AQR: variants seen among roughly 807,000 people sequenced by gnomAD.
AQR encodes the protein RNA helicase aquarius.
A neutral mutation model predicts 180.5 loss-of-function variants in AQR; 61 were observed. The observed-to-expected ratio is 0.34, with a 90% CI of 0.28 to 0.42. AQR has a LOEUF of 0.42. Among genes scored for constraint, AQR ranks in the 10% least tolerant of loss-of-function variants. The probability of loss-of-function intolerance (pLI) is 1.00; values close to 1 mark genes in which losing one functional copy is unlikely to be tolerated. For missense variants in AQR, 1,281 were observed against 1,798.3 expected (o/e 0.71, Z 5.20); for synonymous variants, 551 against 588.8 (o/e 0.94, Z 0.93).
In AQR at chr15:34,969,660, G is replaced by T; in HGVS notation, c.-47C>A. ...CCAGTGGAAACTAAAGGACCGCTCT[G>T]GGCAGCGGCAACCCTGGTCCACTTC... On this transcript the variant is annotated 5_prime_UTR_variant, in exon 1 of 35. Coordinates refer to ENST00000156471, the MANE Select transcript of AQR (RefSeq NM_014691.3). The T allele has an allele frequency of 1.3e-6, 2 of 1,590,462 alleles. No individual in the cohort carries two copies. Among genetic ancestry groups the T allele is most frequent in the Non-Finnish European group, 8.6e-7 (1 of 1,169,576 alleles).
Position 34,860,052 on chromosome 15 carries a change from T to C in AQR, c.4133A>G (p.His1378Arg), listed in dbSNP as rs1318374977. 7.2e-7 allele frequency: 1 copy of C among 1,380,862 alleles called. No individual in the cohort carries two copies. The highest frequency in any genetic ancestry group is 1.9e-5 in the South Asian group (1 of 52,548). The allele number at this position is 1,380,862 out of a possible 1,614,324, so 85.5% of individuals were successfully genotyped here. The change falls in exon 34 of 35, where the codon CAT (histidine) becomes CGT (arginine). Residue 1378 changes from histidine to arginine, a missense_variant. His to Arg is a conservative substitution (Grantham distance 29, BLOSUM62 0). This residue lies in a region of AQR where 182 missense variants were observed against 185.3 expected (regional missense o/e 0.98). Transcript: ENST00000156471. ...MYMHLIQTTH[H>R]YHQTLLQLPP... The stretch of plus-strand genomic sequence containing the variant: ...TTTTGAGAAACTCACCTGATGATAA[T>C]GATGTGTAGTCTGTATCAAATGCAT...
At chr15:34,908,009 A>C (rs1386830915) in intron 17 of AQR, among the ~76,000 whole-genome samples, 1 of 152,166 alleles carries the variant, frequency 6.6e-6, no homozygotes, top group Non-Finnish European at 1.5e-5. Flanking sequence ...TCTGGAGCAA[A>C]TCTGGCATTT....
chr15:34,859,568 A>C (rs1892639572), intron 34 of AQR, among the ~76,000 whole-genome samples: 1 of 152,222 alleles, frequency 6.6e-6, no homozygotes, highest in Admixed American at 6.5e-5. Flanking sequence ...TAAAGTACAA[A>C]GACTTGTATA....
chr15:34,918,490 G>C, intron 14 of AQR, 112 bp from the exon 15 acceptor site: 2 of 1,274,616 alleles, frequency 1.6e-6, no homozygotes, highest in South Asian at 1.5e-5. Flanking sequence ...TTCAACAAGC[G>C]ATTTTTTTTT....
rs75405831 is a variant in AQR at position 34,874,979 on chromosome 15, A to T, written c.3238-115T>A. The T allele has an allele frequency of 8.4e-3, 8,097 of 963,608 alleles. 303 individuals carry two copies. In the African/African-American group the frequency reaches 0.097, roughly 11 times the overall value. 59.7% of individuals were successfully genotyped at this position (963,608 alleles called of 1,614,324 possible). On this transcript the variant is annotated intron_variant, in intron 28 of 34. Coordinates refer to ENST00000156471, the MANE Select transcript of AQR (RefSeq NM_014691.3). ...GCTTCCTTATCTTACAAATTACCAA[A>T]CTTTACCAGCTCCACAAACAGGAGT...
chr15:34,869,103 C>T (rs1188217559), intron 31 of AQR: 2 of 152,128 alleles, frequency 1.3e-5, no homozygotes, highest in East Asian at 3.9e-4. Flanking sequence ...ACACATTCCC[C>T]AGCAATGTGT....
At chr15:34,923,658 A>G (rs1216819364) in intron 13 of AQR, among the ~76,000 whole-genome samples, 2 of 152,166 alleles carry the variant, frequency 1.3e-5, no homozygotes, top group African/African-American at 4.8e-5. Context: ...TAGATATCTA[A>G]TTGTTTCAGC....
chr15:34,926,578 A>G (rs1202718793), intron 13 of AQR, among the ~76,000 whole-genome samples: 1 of 152,274 alleles, frequency 6.6e-6, no homozygotes, highest in Non-Finnish European at 1.5e-5. Context: ...CGTCTATCAC[A>G]TAGTAAATAA....
chr15:34,900,635 T>C lies in AQR; in HGVS notation c.2230A>G (p.Ile744Val). The change falls in exon 20 of 35, where the codon ATA (isoleucine) becomes GTA (valine). Residue 744 changes from isoleucine (I) to valine (V), a missense_variant. Ile to Val is a conservative substitution (Grantham distance 29). Coordinates refer to ENST00000156471, the MANE Select transcript of AQR (RefSeq NM_014691.3). The stretch of plus-strand genomic sequence containing the variant: ...TTCTGACTTTACCTGAAAGGGGGTA[T>C]TTGTAGAGCAGGGTCTTCTACAGTT... ...KVTVEDPALQ[I>V]PPFRITFPVR... is the part of the protein sequence containing the mutation. 1.2e-6 allele frequency: 2 copies of C among 1,613,842 alleles called. No homozygotes were observed. Among genetic ancestry groups the C allele is most frequent in the South Asian group, 1.1e-5 (1 of 91,024 alleles).
Position 34,862,975 on chromosome 15 carries a change from T to A in AQR, c.3921A>T (p.Val1307=), listed in dbSNP as rs762107394. ...ARLGLYIFAR[V]SLFQNCFELT... is the part of the protein sequence containing the mutation. ...GTTCAAAACAGTTTTGGAAGAGGGA[T>A]ACTCTGGCGAAGATATAAAGTCCAA... Residue 1307 remains valine (V), a synonymous_variant, in exon 33 of 35, where the codon GTA becomes GTT. Transcript: ENST00000156471. 6.2e-7 allele frequency: 1 copy of A among 1,613,852 alleles called. No homozygotes were observed. The highest frequency in any genetic ancestry group is 8.5e-7 in the Non-Finnish European group (1 of 1,179,884).
intron 12 of AQR, among the ~76,000 whole-genome samples, chr15:34,929,899 C>T (rs565741778): frequency 6.6e-6 from 1 of 152,308 alleles, no homozygotes; most frequent in Admixed American, 6.5e-5. Flanking sequence ...AAATTTCAGT[C>T]CCATCATATG....
chr15:34,945,602 A>C (rs998561780), intron 5 of AQR, among the ~76,000 whole-genome samples: 1 of 152,198 alleles, frequency 6.6e-6, no homozygotes, highest in Non-Finnish European at 1.5e-5. Flanking sequence ...GCTTGAAGCA[A>C]CTTGAAGAAA....
intron 17 of AQR, 74 bp from the exon 18 acceptor site, chr15:34,906,786 T>G (rs1018051108): frequency 3.5e-6 from 5 of 1,448,258 alleles, no homozygotes; most frequent in Non-Finnish European, 4.7e-6. Flanking sequence ...AATTCTTATT[T>G]GCCTCTCTAC....
chr15:34,889,744 C>T (rs1893114666), intron 24 of AQR, among the ~76,000 whole-genome samples: 1 of 152,076 alleles, frequency 6.6e-6, no homozygotes, highest in African/African-American at 2.4e-5. Flanking sequence ...AATCTTGGCT[C>T]ACTGCAACCT....
chr15:34,940,638 TAGGC>T (rs1894009649), intron 8 of AQR, among the ~76,000 whole-genome samples: 6 of 152,054 alleles, frequency 3.9e-5, no homozygotes, highest in Admixed American at 3.3e-4. Flanking sequence ...AGACGGACAA[TAGGC>T]AGGGAGAAAA....
In AQR at chr15:34,852,579, A is replaced by C. The variant is rs74915400; in HGVS notation, c.*4213T>G. On this transcript the variant is annotated 3_prime_UTR_variant, in exon 35 of 35. Transcript: ENST00000156471. ...GCTACCTATCTTATTAAAAAAAAAC[A>C]AAAACAAAGTTTTATGCTCTAATAA... 1 of 151,254 alleles carries C rather than the reference A, an allele frequency of 6.6e-6. No individual in the cohort carries two copies. The highest frequency in any genetic ancestry group is 1.5e-5 in the Non-Finnish European group (1 of 67,628). 9.4% of individuals were successfully genotyped at this position (151,254 alleles called of 1,614,324 possible).
Position 34,957,696 on chromosome 15 carries a change from C to T in AQR, c.173+3078G>A, listed in dbSNP as rs1195439162. The stretch of plus-strand genomic sequence containing the variant: ...AGCCTGGGCAACAAGATCGAAACTC[C>T]GTCTCAAAAAAACATAAAAAAAACA... On this transcript the variant is annotated intron_variant, in intron 3 of 34. Transcript: ENST00000156471. Among the ~76,000 whole-genome samples the T allele has an allele frequency of 1.9e-4, 26 of 138,956 alleles. 1 individual carries two copies. Among genetic ancestry groups the T allele is most frequent in the Admixed American group, 1.6e-3 (21 of 13,496 alleles). 91.2% of individuals were successfully genotyped at this position (138,956 alleles called of 152,430 possible).
chr15:34,917,065 T>G (rs927339035), intron 15 of AQR, among the ~76,000 whole-genome samples: 1 of 152,202 alleles, frequency 6.6e-6, no homozygotes, highest in African/African-American at 2.4e-5. Context: ...TTTCTGACTT[T>G]TATAGCAATC....
intron 1 of AQR, 94 bp downstream of exon 1, chr15:34,969,445 C>T: frequency 7.7e-7 from 1 of 1,307,144 alleles, no homozygotes; most frequent in Non-Finnish European, 1.1e-6. Context: ...ATGCCTCCTC[C>T]GGACTCCTAA....
Sources: allele counts gnomAD v4.1 joint callset (sites outside exome capture counted in the v4.1 genomes callset), GRCh38; gene constraint gnomAD v4.1.1; regional missense constraint gnomAD v4.1.1; transcripts MANE v1.5; gene names NCBI Gene and HGNC (gene_info 2026-07-23, HGNC 2026-07-21).